JAZF1: variants seen among roughly 807,000 people sequenced by gnomAD.
The protein encoded by JAZF1 is JAZF zinc finger 1, also known as juxtaposed with another zinc finger protein 1.
JAZF1 carries 8 observed loss-of-function variants against 26.4 expected under a neutral mutation model. The ratio of observed to expected loss-of-function variants is 0.30; its 90% CI spans 0.18 to 0.55. The LOEUF is 0.55. Among genes scored for constraint, JAZF1 ranks in the 20% least tolerant of loss-of-function variants. JAZF1 has a pLI of 0.94. For missense variants in JAZF1, 199 were observed against 322.0 expected (o/e 0.62, Z 2.92); for synonymous variants, 126 against 122.3 (o/e 1.03, Z -0.20).
At chr7:28,021,798 C>T (rs1783012088) in intron 1 of JAZF1, among the ~76,000 whole-genome samples, 1 of 152,146 alleles carries the variant, frequency 6.6e-6, no homozygotes, top group Non-Finnish European at 1.5e-5. Context: ...GAGACAAGGG[C>T]CCACAGTTCG....
At chr7:28,133,999 G>C (rs147049723) in intron 1 of JAZF1, among the ~76,000 whole-genome samples, 84 of 152,140 alleles carry the variant, frequency 5.5e-4, no homozygotes, top group African/African-American at 1.9e-3. Context: ...ACATTATCTT[G>C]TTTATTTATT....
At chr7:28,114,737 C>T (rs1784715542) in intron 1 of JAZF1, among the ~76,000 whole-genome samples, 2 of 151,186 alleles carry the variant, frequency 1.3e-5, no homozygotes, top group African/African-American at 2.4e-5. Context: ...AGGGGACAAC[C>T]GTGGTACTGA....
chr7:28,131,936 G>A (rs1782801002), intron 1 of JAZF1, among the ~76,000 whole-genome samples: 1 of 151,966 alleles, frequency 6.6e-6, no homozygotes, highest in Non-Finnish European at 1.5e-5. Flanking sequence ...CAAATTTATT[G>A]TACTAAACAA....
intron 3 of JAZF1, among the ~76,000 whole-genome samples, chr7:27,888,079 T>A (rs1010236033): frequency 2.0e-5 from 3 of 152,194 alleles, no homozygotes; most frequent in African/African-American, 7.2e-5. Flanking sequence ...TAGCAACATC[T>A]TCTCATTCTC....
intron 1 of JAZF1, among the ~76,000 whole-genome samples, chr7:28,177,530 T>C (rs2127956325): frequency 6.6e-6 from 1 of 152,306 alleles, no homozygotes; most frequent in South Asian, 2.1e-4. Context: ...TTAAGGGTTT[T>C]TACTAGTGGC....
At chr7:27,998,083 C>CAGGCAGGCAGGCAGGCAGGA (rs1239560818) in intron 1 of JAZF1, among the ~76,000 whole-genome samples, 1 of 143,334 alleles carries the variant, frequency 7.0e-6, no homozygotes, top group Non-Finnish European at 1.5e-5. Context: ...GGCAGGCAGG[C>CAGGCAGGCAGGCAGGCAGGA]AGGCAGGCAG....
chr7:28,148,391 T>C (rs1783059326), intron 1 of JAZF1, among the ~76,000 whole-genome samples: 2 of 152,204 alleles, frequency 1.3e-5, no homozygotes, highest in Admixed American at 6.5e-5. Context: ...TTTAGATTGC[T>C]ACACACCATA....
chr7:28,146,313 C>T (rs1390328275), intron 1 of JAZF1, among the ~76,000 whole-genome samples: 1 of 152,160 alleles, frequency 6.6e-6, no homozygotes, highest in Non-Finnish European at 1.5e-5. Flanking sequence ...CCCCATTGAT[C>T]GATTGATCAG....
At chr7:27,835,943 A>T (rs1369580719) in intron 4 of JAZF1, among the ~76,000 whole-genome samples, 5 of 152,230 alleles carry the variant, frequency 3.3e-5, no homozygotes, top group African/African-American at 7.2e-5. Flanking sequence ...ATTTATTAAG[A>T]GCTTACCATA....
intron 3 of JAZF1, among the ~76,000 whole-genome samples, chr7:27,893,310 T>C (rs1013803379): frequency 6.6e-6 from 1 of 152,202 alleles, no homozygotes; most frequent in Non-Finnish European, 1.5e-5. Context: ...GACAGAGAAA[T>C]ACGTAAACTG....
chr7:27,984,094 A>G (rs1376781292), intron 2 of JAZF1, among the ~76,000 whole-genome samples: 12 of 152,356 alleles, frequency 7.9e-5, no homozygotes, highest in African/African-American at 9.6e-5. Flanking sequence ...AAATTCACAC[A>G]TAACAGTATT....
chr7:27,946,932 T>C (rs1319333461), intron 2 of JAZF1, among the ~76,000 whole-genome samples: 3 of 152,210 alleles, frequency 2.0e-5, no homozygotes, highest in African/African-American at 7.2e-5. Context: ...TGTAAATATA[T>C]GCTACTGCCC....
At chr7:28,094,940 G>A (rs1199886061) in intron 1 of JAZF1, among the ~76,000 whole-genome samples, 1 of 151,976 alleles carries the variant, frequency 6.6e-6, no homozygotes, top group Non-Finnish European at 1.5e-5. Context: ...TACATGTGGA[G>A]TCCCAACAAG....
intron 1 of JAZF1, among the ~76,000 whole-genome samples, chr7:28,002,324 C>CT (rs1554281160): frequency 6.6e-5 from 10 of 152,002 alleles, no homozygotes; most frequent in African/African-American, 2.2e-4. Flanking sequence ...CTATGAAAGA[C>CT]GGGGGGGAAA....
At chr7:28,133,633 T>A (rs1782834451) in intron 1 of JAZF1, among the ~76,000 whole-genome samples, 1 of 152,190 alleles carries the variant, frequency 6.6e-6, no homozygotes, top group African/African-American at 2.4e-5. Context: ...TGCACTAGTG[T>A]AGGAACCTGT....
At chr7:27,939,836 C>T (rs1044754893) in intron 2 of JAZF1, among the ~76,000 whole-genome samples, 2 of 152,172 alleles carry the variant, frequency 1.3e-5, no homozygotes, top group African/African-American at 2.4e-5. Context: ...TTTCACTCCT[C>T]GGTTCTCATC....
At chr7:27,968,268 A>G (rs1785313533) in intron 2 of JAZF1, among the ~76,000 whole-genome samples, 1 of 152,186 alleles carries the variant, frequency 6.6e-6, no homozygotes, top group South Asian at 2.1e-4. Flanking sequence ...TCTATACATA[A>G]TATAATTAGT....
chr7:28,133,312 A>G (rs1026598395), intron 1 of JAZF1, among the ~76,000 whole-genome samples: 1 of 152,228 alleles, frequency 6.6e-6, no homozygotes, highest in Non-Finnish European at 1.5e-5. Flanking sequence ...AAGAAAGGTA[A>G]AATTAAATTC....
chr7:28,153,563 C>A (rs1346948219), intron 1 of JAZF1, among the ~76,000 whole-genome samples: 1 of 152,180 alleles, frequency 6.6e-6, no homozygotes, highest in African/African-American at 2.4e-5. Context: ...TATCCCATAG[C>A]CATCTCCATT....
Sources: gnomAD v4.1 joint callset for allele counts (sites outside exome capture counted in the v4.1 genomes callset) on GRCh38, gnomAD v4.1.1 for gene constraint, MANE v1.5 for transcripts, NCBI Gene and HGNC (gene_info 2026-07-23, HGNC 2026-07-21) for gene names.